MGAT4C: variants seen among roughly 807,000 people sequenced by gnomAD.
MGAT4C encodes alpha-1,3-mannosyl-glycoprotein 4-beta-N-acetylglucosaminyltransferase C.
A neutral mutation model predicts 40.1 loss-of-function variants in MGAT4C; 19 were observed. The observed-to-expected ratio is 0.47, with a 90% CI of 0.33 to 0.70. The LOEUF is 0.70. Ranked by LOEUF, MGAT4C falls within the 30% of genes least tolerant of loss-of-function variation. MGAT4C has a pLI of 0.02. For missense variants in MGAT4C, 491 were observed against 563.2 expected (o/e 0.87, Z 1.30); for synonymous variants, 181 against 187.1 (o/e 0.97, Z 0.27).
Position 86,359,919 on chromosome 12 carries a change from C to A in MGAT4C, c.-119-25792G>T, listed in dbSNP as rs1365087638. Among the ~76,000 whole-genome samples the A allele has an allele frequency of 3.3e-5, 5 of 152,148 alleles. No individual in the cohort carries two copies. The East Asian group carries it at 7.7e-4, about 23-fold the overall frequency. On this transcript the variant is annotated intron_variant, in intron 3 of 7. Coordinates refer to the MGAT4C transcript ENST00000548651. ...CAGAGGTACAAAGAGGAGCTGGTAC[C>A]ATTCCTTCTGAAACTATTCCAATTA...
intron 1 of MGAT4C, among the ~76,000 whole-genome samples, chr12:86,131,718 G>A (rs1433653236): frequency 7.4e-6 from 1 of 135,780 alleles, no homozygotes; most frequent in Non-Finnish European, 1.6e-5. Flanking sequence ...TAGTATCAAA[G>A]TAAGGAGGTG....
chr12:86,255,640 T>C (rs940671952), intron 1 of MGAT4C, among the ~76,000 whole-genome samples: 1 of 152,140 alleles, frequency 6.6e-6, no homozygotes, highest in Non-Finnish European at 1.5e-5. Flanking sequence ...AAAGAAACCC[T>C]TACATCCATT....
chr12:86,478,850 A>G (rs2136310870), intron 2 of MGAT4C, among the ~76,000 whole-genome samples: 1 of 152,234 alleles, frequency 6.6e-6, no homozygotes, highest in African/African-American at 2.4e-5. Flanking sequence ...ATTAATATTA[A>G]GTAATGTGAA....
At chr12:86,709,263 C>T (rs1003039841) in intron 2 of MGAT4C, among the ~76,000 whole-genome samples, 5 of 152,168 alleles carry the variant, frequency 3.3e-5, no homozygotes, top group African/African-American at 1.2e-4. Context: ...ACTTGCTCCT[C>T]TTTACCTTTC....
At chr12:86,419,902 A>T (rs1956788497) in intron 3 of MGAT4C, among the ~76,000 whole-genome samples, 1 of 152,218 alleles carries the variant, frequency 6.6e-6, no homozygotes, top group Non-Finnish European at 1.5e-5. Flanking sequence ...TTATGTGTTA[A>T]GTGCAGCAGC....
intron 2 of MGAT4C, among the ~76,000 whole-genome samples, chr12:86,543,452 T>G (rs1041625623): frequency 1.3e-5 from 2 of 151,940 alleles, no homozygotes; most frequent in African/African-American, 4.8e-5. Context: ...GATTATTCTG[T>G]TTCTCTTTTT....
intron 2 of MGAT4C, among the ~76,000 whole-genome samples, chr12:86,637,122 A>G (rs1380635415): frequency 6.6e-6 from 1 of 151,956 alleles, no homozygotes; most frequent in Non-Finnish European, 1.5e-5. Flanking sequence ...AATTCTGTAC[A>G]GAAATGAGTT....
chr12:86,768,853 A>G (rs974556621), intron 1 of MGAT4C, among the ~76,000 whole-genome samples: 5 of 152,028 alleles, frequency 3.3e-5, no homozygotes, highest in African/African-American at 1.2e-4. Flanking sequence ...CTTACACCTT[A>G]TACAAAAATT....
intron 1 of MGAT4C, among the ~76,000 whole-genome samples, chr12:86,172,809 T>C (rs369897456): frequency 7.2e-5 from 11 of 152,128 alleles, no homozygotes; most frequent in African/African-American, 2.4e-4. Flanking sequence ...TCACTTCTAA[T>C]GTTGCTGACA....
intron 2 of MGAT4C, among the ~76,000 whole-genome samples, chr12:86,529,319 C>T (rs1284847533): frequency 6.6e-6 from 1 of 152,002 alleles, no homozygotes; most frequent in Non-Finnish European, 1.5e-5. Context: ...ATTCACTGCA[C>T]CTGAAGACCA....
intron 4 of MGAT4C, among the ~76,000 whole-genome samples, chr12:86,292,802 T>C (rs1011561831): frequency 2.0e-5 from 3 of 151,978 alleles, no homozygotes; most frequent in Admixed American, 6.6e-5. Flanking sequence ...AGTTATTTAT[T>C]ATTAGTGGGA....
At chr12:86,447,959 G>A (rs750737965) in intron 2 of MGAT4C, among the ~76,000 whole-genome samples, 3 of 152,046 alleles carry the variant, frequency 2.0e-5, no homozygotes, top group East Asian at 1.9e-4. Flanking sequence ...ATTCTGATTC[G>A]CCTATATGTT....
At chr12:86,561,964 T>A (rs574933957) in intron 2 of MGAT4C, among the ~76,000 whole-genome samples, 1 of 152,284 alleles carries the variant, frequency 6.6e-6, no homozygotes, top group South Asian at 2.1e-4. Flanking sequence ...ATGAACTGTT[T>A]AGAGAGTTGT....
chr12:86,240,843 GA>G (rs1298054655), intron 1 of MGAT4C, among the ~76,000 whole-genome samples: 2 of 152,088 alleles, frequency 1.3e-5, no homozygotes, highest in African/African-American at 2.4e-5. Flanking sequence ...GTTGCCTGTT[GA>G]AATGTTTGCC....
At chr12:86,640,406 C>T (rs1204267173) in intron 2 of MGAT4C, among the ~76,000 whole-genome samples, 1 of 151,836 alleles carries the variant, frequency 6.6e-6, no homozygotes, top group East Asian at 1.9e-4. Flanking sequence ...GTTATTTCAA[C>T]CTGTCCATAA....
At chr12:86,357,594 G>C (rs1239721953) in intron 3 of MGAT4C, among the ~76,000 whole-genome samples, 1 of 150,162 alleles carries the variant, frequency 6.7e-6, no homozygotes, top group Non-Finnish European at 1.5e-5. Context: ...AAGATTAGAT[G>C]AATGGCTAAC....
At chr12:86,440,400 T>C (rs1052041247) in intron 2 of MGAT4C, among the ~76,000 whole-genome samples, 4 of 151,570 alleles carry the variant, frequency 2.6e-5, no homozygotes, top group African/African-American at 7.3e-5. Flanking sequence ...TCAATAGACA[T>C]AGAAAAGCCA....
chr12:86,701,193 A>T (rs1273527892), intron 2 of MGAT4C, among the ~76,000 whole-genome samples: 1 of 152,124 alleles, frequency 6.6e-6, no homozygotes, highest in Non-Finnish European at 1.5e-5. Flanking sequence ...TATTACAGTC[A>T]TACATAATTT....
chr12:86,614,295 C>T (rs1347791744), intron 2 of MGAT4C, among the ~76,000 whole-genome samples: 1 of 152,020 alleles, frequency 6.6e-6, no homozygotes, highest in East Asian at 1.9e-4. Flanking sequence ...TACAGAATCA[C>T]CGAAGGCTGT....
Sources: allele counts gnomAD v4.1 joint callset (sites outside exome capture counted in the v4.1 genomes callset), GRCh38; gene constraint gnomAD v4.1.1; transcripts MANE v1.5; gene names NCBI Gene and HGNC (gene_info 2026-07-23, HGNC 2026-07-21).